AGMO: variants seen among roughly 807,000 people sequenced by gnomAD.
The protein encoded by AGMO is alkylglycerol monooxygenase.
AGMO carries 75 observed loss-of-function variants against 60.2 expected under a neutral mutation model. That is an observed-to-expected ratio of 1.25 (90% CI 1.03 to 1.51). The LOEUF (loss-of-function observed/expected upper bound fraction) is 1.51, where lower values mean the gene tolerates loss of function less well. Among genes scored for constraint, AGMO ranks in the 40% most tolerant of loss-of-function variants. The probability of loss-of-function intolerance (pLI) is 0.00; values close to 1 mark genes in which losing one functional copy is unlikely to be tolerated. For synonymous variants in AGMO, 261 were observed against 177.1 expected, an observed-to-expected ratio of 1.47 and a Z score of -3.76; for missense variants, 763 against 525.5, an observed-to-expected ratio of 1.45 and a Z score of -4.42.
At chr7:15,396,099 C>T (rs565562436) in intron 5 of AGMO, 1 of 152,364 alleles carries the variant, frequency 6.6e-6, no homozygotes, top group African/African-American at 2.4e-5. Flanking sequence ...GGGATTTCCA[C>T]TTTCCATTTC....
chr7:15,394,457 G>A (rs764673836), intron 5 of AGMO, among the ~76,000 whole-genome samples: 29 of 152,140 alleles, frequency 1.9e-4, no homozygotes, highest in Admixed American at 4.6e-4. Flanking sequence ...TTACTACTGT[G>A]TGATCCTGGG....
chr7:15,546,136 G>A (rs752081270), intron 2 of AGMO, among the ~76,000 whole-genome samples: 1 of 151,952 alleles, frequency 6.6e-6, no homozygotes, highest in Non-Finnish European at 1.5e-5. Context: ...ATTATTGTAT[G>A]ACTTTAACTG....
At chr7:15,395,641 T>C (rs1784342172) in intron 5 of AGMO, among the ~76,000 whole-genome samples, 1 of 152,212 alleles carries the variant, frequency 6.6e-6, no homozygotes, top group South Asian at 2.1e-4. Flanking sequence ...TGCAAATTAA[T>C]CAAAATCTTG....
intron 12 of AGMO, among the ~76,000 whole-genome samples, chr7:15,359,335 ATTTAC>A (rs1371226118): frequency 2.6e-5 from 4 of 151,544 alleles, no homozygotes; most frequent in East Asian, 1.9e-4. Context: ...TTTTACTCAT[ATTTAC>A]TTTAATTTTT....
chr7:15,210,880 T>C (rs1221135209), intron 12 of AGMO, among the ~76,000 whole-genome samples: 1 of 152,072 alleles, frequency 6.6e-6, no homozygotes, highest in Non-Finnish European at 1.5e-5. Flanking sequence ...AGAGAAAATA[T>C]TTTTCAAGTT....
At chr7:15,362,639 C>T (rs1472619057) in intron 12 of AGMO, among the ~76,000 whole-genome samples, 2 of 152,174 alleles carry the variant, frequency 1.3e-5, no homozygotes, top group Non-Finnish European at 2.9e-5. Flanking sequence ...CGTGCATGTG[C>T]CCAGATGGAC....
chr7:15,361,190 T>A (rs1469551567), intron 12 of AGMO, among the ~76,000 whole-genome samples: 1 of 151,792 alleles, frequency 6.6e-6, no homozygotes, highest in South Asian at 2.1e-4. Context: ...TGACTGAAAC[T>A]GTGACAACTC....
chr7:15,135,109 T>C, the AGMO span, among the ~76,000 whole-genome samples: 1 of 151,542 alleles, frequency 6.6e-6, no homozygotes, highest in African/African-American at 2.4e-5. Flanking sequence ...TTCAAGTATA[T>C]GCATATAAGT....
intron 12 of AGMO, among the ~76,000 whole-genome samples, chr7:15,346,538 C>T (rs577042582): frequency 2.7e-5 from 4 of 150,742 alleles, no homozygotes; most frequent in South Asian, 2.1e-4. Context: ...TTAAATAATA[C>T]GATATAAAAG....
At chr7:15,342,779 CA>C (rs780336320) in intron 12 of AGMO, among the ~76,000 whole-genome samples, 7,273 of 61,388 alleles carry the variant, frequency 0.12, 177 homozygotes, top group Middle Eastern at 0.21. Flanking sequence ...AGTATAGCTG[CA>C]AAAAAAAAAA....
intron 2 of AGMO, among the ~76,000 whole-genome samples, chr7:15,547,834 T>A (rs1216813811): frequency 6.6e-6 from 1 of 152,030 alleles, no homozygotes; most frequent in African/African-American, 2.4e-5. Flanking sequence ...GAGGCCTGCC[T>A]GCCTCTGTAG....
chr7:15,492,359 A>G lies in AGMO; in HGVS notation c.409+52413T>C, dbSNP rs1276180122. Reference sequence around the variant, plus strand: ...GCAAGTCATTTTGAGGCCCAATACGAAAAAAAAAAAAAAAAAACATTAATA... The same window carrying G: ...GCAAGTCATTTTGAGGCCCAATACGGAAAAAAAAAAAAAAAAACATTAATA... On this transcript the variant is annotated intron_variant, in intron 3 of 12. Coordinates refer to ENST00000342526, the MANE Select transcript of AGMO (RefSeq NM_001004320.2). 3.4e-4 allele frequency among the ~76,000 whole-genome samples: 5 copies of G among 14,810 alleles called. 1 individual carries two copies. The East Asian group carries it at 0.31, about 926-fold the overall frequency. The allele number at this position is 14,810 out of a possible 152,430, so 9.7% of individuals were successfully genotyped here. A position where few individuals can be genotyped will look rare whatever the true frequency, so the allele number is the denominator to read the frequency against.
At chr7:15,198,245 GAGAGAGAGA>G (rs1781182097), downstream of AGMO, among the ~76,000 whole-genome samples, 1 of 94,386 alleles carries the variant, frequency 1.1e-5, no homozygotes, top group East Asian at 2.5e-4. Context: ...GAGAGAGAGA[GAGAGAGAGA>G]GACAGAGACA....
At chr7:15,389,753 T>TCC (rs1415491822) in intron 8 of AGMO, among the ~76,000 whole-genome samples, 2 of 152,174 alleles carry the variant, frequency 1.3e-5, no homozygotes, top group East Asian at 1.9e-4. Flanking sequence ...AACCTTGGTT[T>TCC]CCTCCATCAG....
intron 12 of AGMO, among the ~76,000 whole-genome samples, chr7:15,253,618 A>ATATGTC (rs1783010945): frequency 6.6e-6 from 1 of 152,178 alleles, no homozygotes; most frequent in Non-Finnish European, 1.5e-5. Context: ...TGTTGTTTCC[A>ATATGTC]TATGTCTACA....
chr7:15,340,423 T>TCTTA (rs2128548863), intron 12 of AGMO, among the ~76,000 whole-genome samples: 1 of 152,324 alleles, frequency 6.6e-6, no homozygotes, highest in Non-Finnish European at 1.5e-5. Flanking sequence ...CCAGAGACAA[T>TCTTA]CTTACTACAT....
intron 10 of AGMO, among the ~76,000 whole-genome samples, chr7:15,374,868 C>T (rs1049089712): frequency 1.3e-5 from 2 of 151,934 alleles, no homozygotes; most frequent in African/African-American, 4.8e-5. Flanking sequence ...CATAGAGAAC[C>T]CTAAAAATTT....
chr7:15,125,461 T>C, the AGMO span, among the ~76,000 whole-genome samples: 5 of 152,016 alleles, frequency 3.3e-5, no homozygotes, highest in South Asian at 2.1e-4. Flanking sequence ...AATCATAGAG[T>C]AATAACTTTT....
chr7:15,317,842 CAT>C (rs5882494), intron 12 of AGMO, among the ~76,000 whole-genome samples: 5 of 145,230 alleles, frequency 3.4e-5, no homozygotes, highest in Admixed American at 7.0e-5. Flanking sequence ...ATATTTTTGT[CAT>C]ATATATATAT....
Sources: allele counts gnomAD v4.1 joint callset (sites outside exome capture counted in the v4.1 genomes callset), GRCh38; gene constraint gnomAD v4.1.1; transcripts MANE v1.5; gene names NCBI Gene and HGNC (gene_info 2026-07-23, HGNC 2026-07-21).